The following FOXP1 variants were observed in gnomAD, a reference collection of about 807,000 sequenced individuals.
FOXP1 encodes the protein forkhead box protein P1.
In FOXP1, 15 loss-of-function variants were observed where a neutral mutation model predicts 98.2. The observed-to-expected ratio is 0.15, with a 90% CI of 0.10 to 0.24. The LOEUF is 0.24. Ranked by LOEUF, FOXP1 falls within the 10% of genes least tolerant of loss-of-function variation. The probability of loss-of-function intolerance (pLI) is 1.00; values close to 1 mark genes in which losing one functional copy is unlikely to be tolerated. For missense variants in FOXP1, 633 were observed against 848.5 expected (o/e 0.75, Z 3.15); for synonymous variants, 371 against 314.5 (o/e 1.18, Z -1.90).
At chr3:71,068,628 G>A (rs1231432166) in intron 7 of FOXP1, among the ~76,000 whole-genome samples, 2 of 152,170 alleles carry the variant, frequency 1.3e-5, no homozygotes, top group Admixed American at 1.3e-4. Context: ...GTCTTCTTCT[G>A]AACAACACTT....
At chr3:71,115,316 ATTTTATT>A (rs948606234) in intron 6 of FOXP1, among the ~76,000 whole-genome samples, 1 of 75,000 alleles carries the variant, frequency 1.3e-5, no homozygotes, top group African/African-American at 4.5e-5. Context: ...TATTATTATT[ATTTTATT>A]TATTTATTTA....
At chr3:71,046,851 A>T in intron 10 of FOXP1, 91 bp downstream of exon 10, 1 of 1,404,654 alleles carries the variant, frequency 7.1e-7, no homozygotes, top group South Asian at 1.2e-5. Context: ...GTTTTGATGG[A>T]CAATGTCCTT....
intron 2 of FOXP1, among the ~76,000 whole-genome samples, chr3:71,521,941 C>G: frequency 6.6e-6 from 1 of 152,132 alleles, no homozygotes; most frequent in Non-Finnish European, 1.5e-5. Flanking sequence ...TCCAATGCAC[C>G]AAACTTTTTA....
intron 3 of FOXP1, among the ~76,000 whole-genome samples, chr3:71,414,524 T>C (rs2083053082): frequency 6.6e-6 from 1 of 152,236 alleles, no homozygotes; most frequent in Non-Finnish European, 1.5e-5. Context: ...ATTCGAGGAC[T>C]TACTGGGTAA....
chr3:71,073,766 C>A (rs2053513813), intron 7 of FOXP1, among the ~76,000 whole-genome samples: 1 of 152,208 alleles, frequency 6.6e-6, no homozygotes, highest in Non-Finnish European at 1.5e-5. Flanking sequence ...CTAGCAAACC[C>A]TCCAATGTTG....
chr3:71,327,386 ATT>A (rs550372415), intron 4 of FOXP1, among the ~76,000 whole-genome samples: 75 of 33,646 alleles, frequency 2.2e-3, no homozygotes, highest in East Asian at 6.3e-3. Context: ...TGTCCAGCTA[ATT>A]TTTTTTTTTT....
chr3:71,374,408 A>G (rs1290896582), intron 3 of FOXP1, among the ~76,000 whole-genome samples: 1 of 152,164 alleles, frequency 6.6e-6, no homozygotes, highest in Non-Finnish European at 1.5e-5. Context: ...AGCCTGGCCA[A>G]CAAGGTGAAA....
chr3:71,070,707 G>C (rs564269950), intron 7 of FOXP1, among the ~76,000 whole-genome samples: 7 of 152,304 alleles, frequency 4.6e-5, no homozygotes, highest in African/African-American at 1.4e-4. Flanking sequence ...GGGCATTAGG[G>C]GGTAAATTTC....
intron 17 of FOXP1, among the ~76,000 whole-genome samples, chr3:70,974,431 G>A (rs927074636): frequency 2.6e-5 from 4 of 151,774 alleles, no homozygotes; most frequent in Non-Finnish European, 5.9e-5. Flanking sequence ...CTGAGTAGTT[G>A]GGACTAGAGA....
chr3:71,154,916 A>C (rs1024091780), intron 6 of FOXP1, among the ~76,000 whole-genome samples: 1 of 152,206 alleles, frequency 6.6e-6, no homozygotes, highest in Admixed American at 6.5e-5. Flanking sequence ...CAAAATAGAA[A>C]ATTTGAATTT....
chr3:70,962,965 T>C (rs1485780439), intron 20 of FOXP1, among the ~76,000 whole-genome samples: 3 of 152,240 alleles, frequency 2.0e-5, no homozygotes, highest in African/African-American at 7.2e-5. Context: ...GTTTACCTAA[T>C]TATCCTCATT....
Position 70,958,631 on chromosome 3 carries a change from GAAAAAAA to G in FOXP1, c.*609_*615del, listed in dbSNP as rs369074999. 1.3e-4 allele frequency: 13 copies of G among 98,938 alleles called. No individual in the cohort carries two copies. Among genetic ancestry groups the G allele is most frequent in the Admixed American group, 3.1e-4 (2 of 6,404 alleles). 6.1% of individuals were successfully genotyped at this position (98,938 alleles called of 1,614,324 possible). A position where few individuals can be genotyped will look rare whatever the true frequency, so the allele number is the denominator to read the frequency against. Reference sequence around the variant, plus strand: ...AGAACTTAAAATGGTATAGTAGAAGGAAAAAAAAAAAAAAAAAAAGCAATACATTAAA... The same window carrying G: ...AGAACTTAAAATGGTATAGTAGAAGGAAAAAAAAAAAAGCAATACATTAAA... On this transcript the variant is annotated 3_prime_UTR_variant, in exon 21 of 21. Coordinates refer to ENST00000649528, the MANE Select transcript of FOXP1 (RefSeq NM_001349338.3).
chr3:70,969,525 G>A (rs1463533358), intron 19 of FOXP1: 4 of 152,018 alleles, frequency 2.6e-5, no homozygotes, highest in African/African-American at 7.3e-5. Context: ...ATAAATATCT[G>A]TTTAATGTCC....
chr3:71,536,287 C>G lies in FOXP1; in HGVS notation c.-297-42732G>C, dbSNP rs73094882. 4.8e-3 allele frequency among the ~76,000 whole-genome samples: 734 copies of G among 152,270 alleles called. 3 individuals carry two copies. The highest frequency in any genetic ancestry group is 8.4e-3 in the Non-Finnish European group (568 of 68,008). ...AGGCCAAAGAAGAAGTTTCTGAACT[C>G]TCAATAATTTACTTGTGACCCACGA... On this transcript the variant is annotated intron_variant, in intron 2 of 20. Coordinates refer to ENST00000649528, the MANE Select transcript of FOXP1 (RefSeq NM_001349338.3).
At chr3:71,073,122 G>A (rs550401491) in intron 7 of FOXP1, among the ~76,000 whole-genome samples, 8 of 152,306 alleles carry the variant, frequency 5.3e-5, no homozygotes, top group Admixed American at 1.3e-4. Flanking sequence ...AACAATAGGA[G>A]GAATGTCTAA....
chr3:71,565,309 A>G (rs2046827297), intron 2 of FOXP1, among the ~76,000 whole-genome samples: 1 of 152,176 alleles, frequency 6.6e-6, no homozygotes, highest in Non-Finnish European at 1.5e-5. Context: ...TGCAGCAGGA[A>G]GGCAACATTC....
intron 2 of FOXP1, among the ~76,000 whole-genome samples, chr3:71,537,249 G>T (rs879294509): frequency 7.2e-5 from 11 of 152,178 alleles, no homozygotes; most frequent in Non-Finnish European, 1.5e-4. Context: ...CCAGCAAGGC[G>T]AACTCAGTTC....
intron 5 of FOXP1, among the ~76,000 whole-genome samples, chr3:71,284,712 G>A (rs1288828): frequency 0.068 from 10,391 of 151,844 alleles, 901 homozygotes; most frequent in African/African-American, 0.19. Context: ...CATTCCAGAT[G>A]TCTTTAAGAA....
chr3:70,998,151 G>C (rs1353107597), intron 13 of FOXP1, among the ~76,000 whole-genome samples: 1 of 152,182 alleles, frequency 6.6e-6, no homozygotes, highest in Non-Finnish European at 1.5e-5. Context: ...AGGGGTGCCT[G>C]GCAAACTTCT....
Sources: allele counts gnomAD v4.1 joint callset (sites outside exome capture counted in the v4.1 genomes callset), GRCh38; gene constraint gnomAD v4.1.1; transcripts MANE v1.5; gene names NCBI Gene and HGNC (gene_info 2026-07-23, HGNC 2026-07-21).